EHBP1: variants seen among roughly 807,000 people sequenced by gnomAD.
EHBP1 encodes EH domain binding protein 1.
In EHBP1, 55 loss-of-function variants were observed where a neutral mutation model predicts 144.0. That is an observed-to-expected ratio of 0.38 (90% CI 0.31 to 0.48). The LOEUF is 0.48. EHBP1 is among the 20% of genes least tolerant of loss of function. The probability of loss-of-function intolerance (pLI) is 0.98; values close to 1 mark genes in which losing one functional copy is unlikely to be tolerated. For missense variants in EHBP1, 1,200 were observed against 1,364.2 expected (o/e 0.88, Z 1.90); for synonymous variants, 469 against 472.7 (o/e 0.99, Z 0.10).
Position 62,979,410 on chromosome 2 carries a change from T to G in EHBP1, c.2608+75T>G, listed in dbSNP as rs2058860629. 7 of 1,468,084 alleles carry G rather than the reference T, an allele frequency of 4.8e-6. No homozygotes were observed. In the Admixed American group the frequency reaches 1.3e-4, roughly 27 times the overall value. 90.9% of individuals were successfully genotyped at this position (1,468,084 alleles called of 1,614,324 possible). A position where few individuals can be genotyped will look rare whatever the true frequency, so the allele number is the denominator to read the frequency against. On this transcript the variant is annotated intron_variant, in intron 15 of 22. Transcript: ENST00000431489. ...GTGGACCTTTTGGGACTTTTTATTC[T>G]TACTTCAAAATGTTGCTTCAAAAAT... is the stretch of plus-strand genomic sequence containing the variant.
intron 10 of EHBP1, among the ~76,000 whole-genome samples, chr2:62,895,895 C>A (rs2052881947): frequency 6.6e-6 from 1 of 152,148 alleles, no homozygotes; most frequent in South Asian, 2.1e-4. Flanking sequence ...ATTGCTCATT[C>A]CACTTACTCA....
intron 21 of EHBP1, among the ~76,000 whole-genome samples, chr2:63,042,670 TC>T (rs981961377): frequency 3.9e-5 from 6 of 151,964 alleles, no homozygotes; most frequent in Admixed American, 3.9e-4. Context: ...TTTAAATTAC[TC>T]AATACTTCAA....
At chr2:62,732,203 A>G (rs924691260) in intron 2 of EHBP1, among the ~76,000 whole-genome samples, 1 of 152,094 alleles carries the variant, frequency 6.6e-6, no homozygotes, top group African/African-American at 2.4e-5. Flanking sequence ...ATATGCCTAC[A>G]TGTAGATTTT....
At chr2:62,972,324 C>G (rs1036921641) in intron 14 of EHBP1, among the ~76,000 whole-genome samples, 1 of 152,130 alleles carries the variant, frequency 6.6e-6, no homozygotes, top group Non-Finnish European at 1.5e-5. Flanking sequence ...TGTCCCTACT[C>G]TCTAGTCATT....
At position 63,045,640 on chromosome 2, in the gene EHBP1, C is replaced by A; in HGVS notation, c.*140C>A. ...CTACTTTACCTCTACTTTACCACCA[C>A]CACCCTTTTCCTCCCTCCTTTCCAA... On this transcript the variant is annotated 3_prime_UTR_variant, in exon 23 of 23. Coordinates refer to ENST00000431489, the MANE Select transcript of EHBP1 (RefSeq NM_001142616.3). The surrounding 1 kb of genome is among the most constrained non-coding windows in gnomAD (Gnocchi z 5.7). The A allele has an allele frequency of 1.6e-6, 1 of 639,284 alleles. No homozygotes were observed. The highest frequency in any genetic ancestry group is 2.7e-6 in the Non-Finnish European group (1 of 367,824). The allele number at this position is 639,284 out of a possible 1,614,324, so 39.6% of individuals were successfully genotyped here. A position where few individuals can be genotyped will look rare whatever the true frequency, so the allele number is the denominator to read the frequency against.
At chr2:63,041,701 A>C (rs2061665695) in intron 21 of EHBP1, among the ~76,000 whole-genome samples, 1 of 152,144 alleles carries the variant, frequency 6.6e-6, no homozygotes, top group South Asian at 2.1e-4. Flanking sequence ...AATCCTATCA[A>C]ATGGCCTGTT....
intron 2 of EHBP1, among the ~76,000 whole-genome samples, chr2:62,726,466 T>A (rs986390752): frequency 1.3e-5 from 2 of 152,240 alleles, no homozygotes; most frequent in African/African-American, 4.8e-5. Context: ...CTCTCAGTAC[T>A]TTTCCTCTGA....
At chr2:62,823,187 A>G (rs776291732) in intron 5 of EHBP1, among the ~76,000 whole-genome samples, 23 of 152,020 alleles carry the variant, frequency 1.5e-4, no homozygotes, top group Admixed American at 2.0e-4. Flanking sequence ...TTGGTTTTTA[A>G]TAAACATTGA....
chr2:63,041,054 T>G (rs2061641036), intron 21 of EHBP1, among the ~76,000 whole-genome samples: 1 of 152,208 alleles, frequency 6.6e-6, no homozygotes, highest in Non-Finnish European at 1.5e-5. Context: ...ACTAAAATCT[T>G]TTCAAATAAA....
intron 7 of EHBP1, among the ~76,000 whole-genome samples, chr2:62,841,191 G>C (rs2047815110): frequency 6.6e-6 from 1 of 152,102 alleles, no homozygotes. Flanking sequence ...TCCTTTGTAT[G>C]GACATGGATG....
At chr2:63,041,025 T>C (rs1228935741) in intron 21 of EHBP1, among the ~76,000 whole-genome samples, 3 of 152,234 alleles carry the variant, frequency 2.0e-5, no homozygotes, top group African/African-American at 7.2e-5. Flanking sequence ...AGCCATAAGA[T>C]GGTTTTAGTA....
At chr2:62,789,683 A>T (rs192383231) in intron 5 of EHBP1, among the ~76,000 whole-genome samples, 11 of 152,176 alleles carry the variant, frequency 7.2e-5, no homozygotes, top group Non-Finnish European at 1.2e-4. Flanking sequence ...ACATCTTCCA[A>T]CCCACTGCAC....
chr2:62,682,582 A>G (rs2033568576), intron 1 of EHBP1, among the ~76,000 whole-genome samples: 1 of 152,222 alleles, frequency 6.6e-6, no homozygotes, highest in Non-Finnish European at 1.5e-5. Context: ...TGCAGATAGC[A>G]TGTGATAAAC....
intron 1 of EHBP1, among the ~76,000 whole-genome samples, chr2:62,694,263 C>T (rs902569077): frequency 2.6e-5 from 4 of 152,104 alleles, no homozygotes; most frequent in African/African-American, 9.7e-5. Context: ...CTAGAAAGTG[C>T]AATATGTTCT....
chr2:62,775,447 A>AT (rs2041991115), intron 5 of EHBP1, among the ~76,000 whole-genome samples: 1 of 152,166 alleles, frequency 6.6e-6, no homozygotes, highest in African/African-American at 2.4e-5. Flanking sequence ...CTGTTGGTAT[A>AT]TTGTCCTGAC....
At position 62,801,666 on chromosome 2, in the gene EHBP1, C is replaced by T. The variant is rs777972899; in HGVS notation, c.313-24421C>T. Among the ~76,000 whole-genome samples, 34 of 152,246 alleles carry T rather than the reference C, an allele frequency of 2.2e-4. 1 individual carries two copies. The highest frequency in any genetic ancestry group is 3.8e-4 in the Non-Finnish European group (26 of 68,018). ...TTACAAATACTTAAAATCATGCTTA[C>T]ATGTCTGTAATTAAGTAGCATAATT... On this transcript the variant is annotated intron_variant, in intron 5 of 22. Transcript: ENST00000431489.
chr2:62,950,611 G>GT (rs1177619472), intron 13 of EHBP1, among the ~76,000 whole-genome samples: 2 of 152,208 alleles, frequency 1.3e-5, no homozygotes, highest in South Asian at 2.1e-4. Flanking sequence ...ATAAGCAAGA[G>GT]TTTTTTGGGA....
chr2:62,893,447 A>C (rs1247111844), intron 10 of EHBP1, among the ~76,000 whole-genome samples: 3 of 152,200 alleles, frequency 2.0e-5, no homozygotes, highest in Non-Finnish European at 2.9e-5. Context: ...GTGGAATGCT[A>C]CACCAGTTCA....
At chr2:62,827,377 C>T (rs577752527) in intron 6 of EHBP1, among the ~76,000 whole-genome samples, 1 of 152,080 alleles carries the variant, frequency 6.6e-6, no homozygotes, top group Admixed American at 6.6e-5. Flanking sequence ...TAAGCCAAAA[C>T]AAAAGGAAAG....
Sources: allele counts gnomAD v4.1 joint callset (sites outside exome capture counted in the v4.1 genomes callset), GRCh38; gene constraint gnomAD v4.1.1; non-coding constraint Gnocchi (gnomAD v3.1); transcripts MANE v1.5; gene names NCBI Gene and HGNC (gene_info 2026-07-23, HGNC 2026-07-21).